Variants in SLC8A3 observed in about 807,000 individuals in gnomAD.
SLC8A3 encodes sodium/calcium exchanger 3.
In SLC8A3, 37 loss-of-function variants were observed where a neutral mutation model predicts 65.4. That is an observed-to-expected ratio of 0.57 (90% CI 0.44 to 0.74). The LOEUF (loss-of-function observed/expected upper bound fraction) is 0.74. Among genes scored for constraint, SLC8A3 ranks in the 30% least tolerant of loss-of-function variants. The pLI is 0.00. For missense variants in SLC8A3, 1,112 were observed against 1,172.1 expected (o/e 0.95, Z 0.75); for synonymous variants, 461 against 444.5 (o/e 1.04, Z -0.47).
chr14:70,077,205 G>A (rs1161648228), intron 2 of SLC8A3, among the ~76,000 whole-genome samples: 1 of 152,130 alleles, frequency 6.6e-6, no homozygotes, highest in African/African-American at 2.4e-5. Flanking sequence ...GCAGGTGCTG[G>A]TTTGGAACCA....
intron 2 of SLC8A3, among the ~76,000 whole-genome samples, chr14:70,124,278 C>T (rs948436372): frequency 1.3e-5 from 2 of 152,248 alleles, no homozygotes; most frequent in African/African-American, 2.4e-5. Flanking sequence ...AATGTCTGCT[C>T]TAAATCCAGT....
intron 2 of SLC8A3, among the ~76,000 whole-genome samples, chr14:70,124,344 G>T (rs939244432): frequency 6.6e-6 from 1 of 152,158 alleles, no homozygotes; most frequent in Admixed American, 6.5e-5. Context: ...CCCTCACTCA[G>T]TCGCCAAACA....
At chr14:70,091,283 T>C (rs1340218885) in intron 2 of SLC8A3, among the ~76,000 whole-genome samples, 1 of 152,148 alleles carries the variant, frequency 6.6e-6, no homozygotes, top group East Asian at 1.9e-4. Flanking sequence ...CAACACAAAA[T>C]AGCTCCTTTT....
intron 2 of SLC8A3, among the ~76,000 whole-genome samples, chr14:70,110,998 T>A (rs1233172594): frequency 6.6e-6 from 1 of 152,184 alleles, no homozygotes; most frequent in Admixed American, 6.5e-5. Context: ...CTCTTTCATA[T>A]ACTGATTTCC....
At chr14:70,072,028 T>G (rs779465212) in intron 2 of SLC8A3, among the ~76,000 whole-genome samples, 2 of 152,214 alleles carry the variant, frequency 1.3e-5, no homozygotes, top group Non-Finnish European at 2.9e-5. Flanking sequence ...GATAACCTAC[T>G]GAGGATGTGG....
At chr14:70,113,150 T>G (rs1473055012) in intron 2 of SLC8A3, among the ~76,000 whole-genome samples, 3 of 122,806 alleles carry the variant, frequency 2.4e-5, no homozygotes, top group African/African-American at 8.9e-5. Context: ...CTGGGATACA[T>G]TCTGAGAAAT....
intron 1 of SLC8A3, among the ~76,000 whole-genome samples, chr14:70,180,396 C>G (rs776449178): frequency 6.6e-6 from 1 of 152,174 alleles, no homozygotes; most frequent in East Asian, 1.9e-4. Context: ...ATAATTAACT[C>G]TAGGGATGCT....
At chr14:70,127,386 C>T (rs186987722) in intron 2 of SLC8A3, among the ~76,000 whole-genome samples, 1 of 152,110 alleles carries the variant, frequency 6.6e-6, no homozygotes, top group Non-Finnish European at 1.5e-5. Context: ...TTTTTGACCC[C>T]GCCCAGGCAT....
intron 2 of SLC8A3, among the ~76,000 whole-genome samples, chr14:70,116,168 G>A (rs1420823559): frequency 6.6e-6 from 1 of 152,128 alleles, no homozygotes; most frequent in Non-Finnish European, 1.5e-5. Context: ...GCCTGGGCCG[G>A]GGTGGCTGGG....
At chr14:70,054,063 C>T (rs1369779883) in intron 3 of SLC8A3, among the ~76,000 whole-genome samples, 1 of 152,038 alleles carries the variant, frequency 6.6e-6, no homozygotes, top group Admixed American at 6.6e-5. Flanking sequence ...TTCAGACTGA[C>T]TAAATAAACT....
At chr14:70,091,804 A>G (rs530626277) in intron 2 of SLC8A3, among the ~76,000 whole-genome samples, 5 of 152,266 alleles carry the variant, frequency 3.3e-5, no homozygotes, top group South Asian at 2.1e-4. Context: ...GATAACTACA[A>G]TTACAAACTG....
chr14:70,167,142 C>A lies in SLC8A3; in HGVS notation c.1281G>T (p.Lys427Asn), dbSNP rs764486343. 2.5e-6 allele frequency: 4 copies of A among 1,614,160 alleles called. No individual in the cohort carries two copies. Among genetic ancestry groups the A allele is most frequent in the Middle Eastern group, 1.6e-4 (1 of 6,062 alleles). The change falls in exon 2 of 7, where the codon AAG (lysine) becomes AAT (asparagine). Residue 427 changes from lysine to asparagine, a missense_variant. Lys to Asn is a moderately conservative substitution (Grantham distance 94, BLOSUM62 0). Coordinates refer to ENST00000356921, the MANE Select transcript of SLC8A3 (RefSeq NM_182932.3). ...TVVRKGGDMS[K>N]TMYVDYKTED... is the part of the protein sequence containing the mutation. ...CTGTTTTGTAGTCCACATACATGGT[C>A]TTTGACATGTCTCCCCCTTTCCTCA... is the stretch of plus-strand genomic sequence containing the variant.
chr14:70,167,876 C>T lies in SLC8A3; in HGVS notation c.547G>A (p.Gly183Ser). The change falls in exon 2 of 7, where the codon GGC becomes AGC. Residue 183 changes from glycine (G) to serine (S), a missense_variant. Coordinates refer to ENST00000356921, the MANE Select transcript of SLC8A3 (RefSeq NM_182932.3). Reference protein sequence around the residue: ...SAAFNMFIIIGICVYVIPDGE... With the variant: ...SAAFNMFIIISICVYVIPDGE... ...TCTGGGATCACGTAGACACAGATGC[C>T]AATGATGATGAACATGTTGAAGGCT... is the stretch of plus-strand genomic sequence containing the variant. 1 of 1,614,082 alleles carries T rather than the reference C, an allele frequency of 6.2e-7. No homozygotes were observed. Among genetic ancestry groups the T allele is most frequent in the Non-Finnish European group, 8.5e-7 (1 of 1,180,030 alleles).
At chr14:70,133,995 G>A (rs1895026291) in intron 2 of SLC8A3, among the ~76,000 whole-genome samples, 1 of 152,156 alleles carries the variant, frequency 6.6e-6, no homozygotes, top group Non-Finnish European at 1.5e-5. Flanking sequence ...TCTGTGGAGG[G>A]AACTTGCTAC....
chr14:70,106,194 A>T (rs1470493600), intron 2 of SLC8A3, among the ~76,000 whole-genome samples: 2 of 152,174 alleles, frequency 1.3e-5, no homozygotes, highest in Non-Finnish European at 2.9e-5. Context: ...GTCCATTCTT[A>T]CCACTTTTAT....
chr14:70,063,678 C>A, intron 2 of SLC8A3: 1 of 590,122 alleles, frequency 1.7e-6, no homozygotes, highest in South Asian at 2.3e-5. Flanking sequence ...GAAAAGAGAG[C>A]AGGAGAGAGA....
chr14:70,161,121 GTA>G (rs3053365), intron 2 of SLC8A3, among the ~76,000 whole-genome samples: 5 of 143,124 alleles, frequency 3.5e-5, no homozygotes, highest in South Asian at 4.4e-4. Flanking sequence ...GGACGTGGTG[GTA>G]TATATATATA....
intron 2 of SLC8A3, among the ~76,000 whole-genome samples, chr14:70,117,713 G>A (rs372467373): frequency 2.0e-5 from 3 of 152,072 alleles, no homozygotes; most frequent in African/African-American, 4.8e-5. Context: ...CACCCTGCAC[G>A]TGCACCTTTC....
chr14:70,105,448 T>G (rs1426101043), intron 2 of SLC8A3, among the ~76,000 whole-genome samples: 1 of 152,204 alleles, frequency 6.6e-6, no homozygotes, highest in African/African-American at 2.4e-5. Flanking sequence ...CAAAGGCTAA[T>G]ATAGGAATAT....
Sources: gnomAD v4.1 joint callset for allele counts (sites outside exome capture counted in the v4.1 genomes callset) on GRCh38, gnomAD v4.1.1 for gene constraint, MANE v1.5 for transcripts, NCBI Gene and HGNC (gene_info 2026-07-23, HGNC 2026-07-21) for gene names.